The following PTGR1 variants were observed in gnomAD, a reference collection of about 807,000 sequenced individuals.
PTGR1 encodes the protein 15-oxoprostaglandin 13-reductase.
Under a neutral mutation model 37.7 loss-of-function variants are expected in PTGR1, and 23 were observed. That is an observed-to-expected ratio of 0.61 (90% CI 0.44 to 0.86). The LOEUF (loss-of-function observed/expected upper bound fraction) is 0.86, where lower values mean the gene tolerates loss of function less well. PTGR1 is among the 40% of genes least tolerant of loss of function. The pLI is 0.00. For missense variants in PTGR1, 351 were observed against 394.3 expected, an observed-to-expected ratio of 0.89 and a Z score of 0.93; for synonymous variants, 134 against 140.0, an observed-to-expected ratio of 0.96 and a Z score of 0.30.
At chr9:111,580,184 A>AT (rs568187926) in intron 6 of PTGR1, among the ~76,000 whole-genome samples, 213 of 151,986 alleles carry the variant, frequency 1.4e-3, no homozygotes, top group African/African-American at 4.9e-3. Context: ...ATGTTAGCCC[A>AT]TTTTTTTTCT....
intron 9 of PTGR1, among the ~76,000 whole-genome samples, chr9:111,553,911 A>G (rs1267594172): frequency 2.0e-5 from 3 of 152,174 alleles, no homozygotes; most frequent in Non-Finnish European, 4.4e-5. Flanking sequence ...TCTTTCCAGC[A>G]TTTTGTTGCT....
chr9:111,570,433 C>T (rs1828762623), intron 8 of PTGR1, among the ~76,000 whole-genome samples: 1 of 152,110 alleles, frequency 6.6e-6, no homozygotes, highest in Non-Finnish European at 1.5e-5. Context: ...CCAAAAACCC[C>T]AGAACCTGTT....
chr9:111,559,046 C>A (rs1410328391), downstream of PTGR1, among the ~76,000 whole-genome samples: 3 of 152,124 alleles, frequency 2.0e-5, no homozygotes, highest in Admixed American at 6.5e-5. Flanking sequence ...GTTAGTCTTT[C>A]CTTCCCAAAG....
chr9:111,560,752 A>T (rs535945199), downstream of PTGR1, among the ~76,000 whole-genome samples: 8 of 145,430 alleles, frequency 5.5e-5, no homozygotes, highest in South Asian at 1.7e-3. Context: ...GACCAGCCTG[A>T]CCAACATGGT....
At chr9:111,567,250 C>G (rs1417260631) in intron 9 of PTGR1, among the ~76,000 whole-genome samples, 1 of 152,106 alleles carries the variant, frequency 6.6e-6, no homozygotes, top group Non-Finnish European at 1.5e-5. Context: ...TGCAGTGGCA[C>G]GATCTTGACT....
chr9:111,593,004 AAAAAAAAAAAAAAT>A, intron 3 of PTGR1, 22 bp from the exon 4 acceptor site: 6 of 1,547,692 alleles, frequency 3.9e-6, no homozygotes, highest in South Asian at 2.5e-5. Context: ...AAAAAAAAAA[AAAAAAAAAAAAAAT>A]AGGTAAATAA....
At chr9:111,556,341 A>G (rs1828120721) in intron 9 of PTGR1, among the ~76,000 whole-genome samples, 1 of 152,260 alleles carries the variant, frequency 6.6e-6, no homozygotes. Flanking sequence ...TTCCAGGTGC[A>G]TGGCACAAGC....
chr9:111,550,012 A>G (rs1228547783), intron 9 of PTGR1, among the ~76,000 whole-genome samples: 1 of 152,142 alleles, frequency 6.6e-6, no homozygotes, highest in Non-Finnish European at 1.5e-5. Context: ...GCAACTCTGG[A>G]AATAAGATTA....
chr9:111,578,188 TC>T (rs1343720099), intron 7 of PTGR1, among the ~76,000 whole-genome samples: 1 of 152,166 alleles, frequency 6.6e-6, no homozygotes, highest in African/African-American at 2.4e-5. Context: ...AGGAATATAT[TC>T]CCTTGTATCA....
At chr9:111,576,692 C>G (rs1206444961) in intron 7 of PTGR1, 2 of 317,810 alleles carry the variant, frequency 6.3e-6, no homozygotes, top group African/African-American at 2.1e-5. Context: ...ACATATTTCC[C>G]CTAGAAGCAA....
Position 111,563,261 on chromosome 9 carries a change from CTTAAT to C in PTGR1, c.880-35_880-31del, listed in dbSNP as rs753470836. 39 of 1,591,318 alleles carry C rather than the reference CTTAAT, an allele frequency of 2.5e-5. No homozygotes were observed. In the African/African-American group the frequency reaches 2.8e-4, roughly 12 times the overall value. ...ATCAAAGCAACAACAAATTTTAAAACTTAATTTAATATTCTCAATGATATACTGTT... is the reference window on the plus strand; with the variant it reads ...ATCAAAGCAACAACAAATTTTAAAACTTAATATTCTCAATGATATACTGTT... On this transcript the variant is annotated intron_variant, in intron 9 of 9. Coordinates refer to ENST00000407693, the MANE Select transcript of PTGR1 (RefSeq NM_001146108.2).
Position 111,592,845 on chromosome 9 carries a change from A to C in PTGR1, c.209+81T>G, listed in dbSNP as rs1829659206. 24 of 1,536,096 alleles carry C rather than the reference A, an allele frequency of 1.6e-5. No homozygotes were observed. In the South Asian group the frequency reaches 2.8e-4, roughly 18 times the overall value. ...CAACATAGGCTGAAGAAATTGTAGG[A>C]GCAATGGACAGAGACAGGACCCAGC... On this transcript the variant is annotated intron_variant, in intron 4 of 9. Coordinates refer to ENST00000407693, the MANE Select transcript of PTGR1 (RefSeq NM_001146108.2).
At chr9:111,593,680 T>C (rs1246383929) in intron 3 of PTGR1, among the ~76,000 whole-genome samples, 1 of 152,194 alleles carries the variant, frequency 6.6e-6, no homozygotes, top group Non-Finnish European at 1.5e-5. Context: ...GCTTCTTTTT[T>C]CTTTATGAGA....
intron 9 of PTGR1, among the ~76,000 whole-genome samples, chr9:111,564,496 G>A (rs1484944733): frequency 6.6e-6 from 1 of 151,608 alleles, no homozygotes; most frequent in African/African-American, 2.4e-5. Context: ...TGTAGAGACG[G>A]GGTCTTGCTA....
chr9:111,563,386 G>T, intron 9 of PTGR1, 155 bp from the exon 10 acceptor site: 1 of 668,658 alleles, frequency 1.5e-6, no homozygotes, highest in Non-Finnish European at 2.4e-6. Context: ...GTCAAGGTGG[G>T]GCAAGATCCA....
Position 111,562,632 on chromosome 9 carries a change from T to C in PTGR1, c.*489A>G, listed in dbSNP as rs1828365242. ...TCAGTTCCGGGATAATTGTGTGGAA[T>C]GTGCAGGTTTGTTACATAGGTAAAC... On this transcript the variant is annotated 3_prime_UTR_variant, in exon 10 of 10. Coordinates refer to ENST00000407693, the MANE Select transcript of PTGR1 (RefSeq NM_001146108.2). 6.6e-6 allele frequency: 1 copy of C among 152,286 alleles called. No homozygotes were observed. The highest frequency in any genetic ancestry group is 2.1e-4 in the South Asian group (1 of 4,840). 9.4% of individuals were successfully genotyped at this position (152,286 alleles called of 1,614,324 possible).
intron 9 of PTGR1, chr9:111,569,877 A>G (rs1293553440): frequency 1.5e-6 from 1 of 685,928 alleles, no homozygotes; most frequent in Admixed American, 3.0e-5. Flanking sequence ...ATGGACCTGC[A>G]TTTGCAGTGG....
intron 4 of PTGR1, 73 bp downstream of exon 4, chr9:111,592,853 A>G: frequency 1.3e-6 from 2 of 1,563,288 alleles, no homozygotes; most frequent in Middle Eastern, 1.7e-4. Flanking sequence ...GGAGCAATGG[A>G]CAGAGACAGG....
chr9:111,590,627 GGGATTAC>G (rs796358388), intron 4 of PTGR1, among the ~76,000 whole-genome samples: 77 of 152,300 alleles, frequency 5.1e-4, no homozygotes, highest in African/African-American at 1.8e-3. Flanking sequence ...CCAAAATGCT[GGGATTAC>G]AGGCATGAGC....
Sources: allele counts gnomAD v4.1 joint callset (sites outside exome capture counted in the v4.1 genomes callset), GRCh38; gene constraint gnomAD v4.1.1; transcripts MANE v1.5; gene names NCBI Gene and HGNC (gene_info 2026-07-23, HGNC 2026-07-21).